EFR3A: variants seen among roughly 807,000 people sequenced by gnomAD.
EFR3A encodes protein EFR3 homolog A.
In EFR3A, 76 loss-of-function variants were observed where a neutral mutation model predicts 104.4. The ratio of observed to expected loss-of-function variants is 0.73; its 90% CI spans 0.60 to 0.88. The LOEUF (loss-of-function observed/expected upper bound fraction) is 0.88, where lower values mean the gene tolerates loss of function less well. Ranked by LOEUF, EFR3A falls within the 40% of genes least tolerant of loss-of-function variation. The pLI is 0.00. For synonymous variants in EFR3A, 330 were observed against 330.0 expected (o/e 1.00, Z 0.00); for missense variants, 985 against 1,012.5 (o/e 0.97, Z 0.37).
At chr8:131,971,425 A>G (rs1223266218) in intron 10 of EFR3A, among the ~76,000 whole-genome samples, 2 of 152,110 alleles carry the variant, frequency 1.3e-5, no homozygotes, top group African/African-American at 4.8e-5. Context: ...GCGGTGGCTC[A>G]CACCTGTAAT....
At chr8:131,986,789 CAAAAA>C (rs10569128) in intron 17 of EFR3A, among the ~76,000 whole-genome samples, 3 of 67,982 alleles carry the variant, frequency 4.4e-5, no homozygotes, top group Middle Eastern at 7.1e-3. Flanking sequence ...GACTCCATCT[CAAAAA>C]AAAAAAAAAA....
At chr8:131,919,127 C>T (rs10464871) in intron 1 of EFR3A, among the ~76,000 whole-genome samples, 33,011 of 151,602 alleles carry the variant, frequency 0.22, 4,078 homozygotes, top group African/African-American at 0.32. Flanking sequence ...TGCAGAAAGC[C>T]CCAAACCTAT....
At chr8:131,938,985 A>G (rs1309809417) in intron 1 of EFR3A, among the ~76,000 whole-genome samples, 2 of 152,142 alleles carry the variant, frequency 1.3e-5, no homozygotes, top group Non-Finnish European at 2.9e-5. Flanking sequence ...TATGGTTGTG[A>G]ACCATATGTA....
intron 1 of EFR3A, among the ~76,000 whole-genome samples, chr8:131,919,137 T>A (rs1816877263): frequency 6.6e-6 from 1 of 152,066 alleles, no homozygotes; most frequent in Non-Finnish European, 1.5e-5. Flanking sequence ...CCCAAACCTA[T>A]CTTTTTTCCC....
chr8:131,986,244 C>T lies in EFR3A; in HGVS notation c.1920C>T (p.Ile640=). Residue 640 remains isoleucine, a synonymous_variant, in exon 17 of 23, where the codon ATC becomes ATT. Transcript: ENST00000254624. The part of the protein sequence containing the change: ...MEAPYFLPEH[I]FRDKCMLPKS... ...CCCCTTATTTTCTACCAGAGCATAT[C>T]TTCAGAGATAAGTGCATGTATGTTA... 1 of 1,583,198 alleles carries T rather than the reference C, an allele frequency of 6.3e-7. No homozygotes were observed. The highest frequency in any genetic ancestry group is 8.7e-7 in the Non-Finnish European group (1 of 1,155,012).
chr8:131,949,536 G>A (rs1818596351), intron 4 of EFR3A, among the ~76,000 whole-genome samples: 1 of 152,112 alleles, frequency 6.6e-6, no homozygotes. Flanking sequence ...TGGTGCAGTG[G>A]TTCATGCCTA....
chr8:131,977,241 CA>C, intron 12 of EFR3A, 149 bp downstream of exon 12: 1 of 533,088 alleles, frequency 1.9e-6, no homozygotes, highest in East Asian at 3.3e-5. Flanking sequence ...AAAGATTATC[CA>C]ATTTTTTTAC....
intron 1 of EFR3A, among the ~76,000 whole-genome samples, chr8:131,908,573 C>T (rs1816366135): frequency 6.6e-6 from 1 of 152,070 alleles, no homozygotes; most frequent in Admixed American, 6.5e-5. Context: ...GAGGGAGGCC[C>T]TATTTGACCT....
intron 5 of EFR3A, among the ~76,000 whole-genome samples, chr8:131,951,480 A>G (rs1204497135): frequency 1.3e-5 from 2 of 152,146 alleles, no homozygotes; most frequent in Non-Finnish European, 2.9e-5. Flanking sequence ...GAGGCTGATA[A>G]TAAGTTTTTA....
intron 1 of EFR3A, among the ~76,000 whole-genome samples, chr8:131,904,762 C>A (rs1372696032): frequency 6.6e-6 from 1 of 152,368 alleles, no homozygotes; most frequent in African/African-American, 2.4e-5. Flanking sequence ...GCCAGACAGA[C>A]CCCCGACAGC....
In EFR3A at chr8:132,002,514, A is replaced by G. The variant is rs1821831843; in HGVS notation, c.2207-89A>G. The G allele has an allele frequency of 4.0e-6, 4 of 988,742 alleles. No homozygotes were observed. The East Asian group carries it at 1.1e-4, about 27-fold the overall frequency. The allele number at this position is 988,742 out of a possible 1,614,324, so 61.2% of individuals were successfully genotyped here. A position where few individuals can be genotyped will look rare whatever the true frequency, so the allele number is the denominator to read the frequency against. On this transcript the variant is annotated intron_variant, in intron 20 of 22. Coordinates refer to ENST00000254624, the MANE Select transcript of EFR3A (RefSeq NM_015137.6). ...CCCTGTAAATTGCCCTTAATTTTGG[A>G]TGATATATCATTAACTCTTAACGGT...
At chr8:131,987,533 T>C in intron 17 of EFR3A, 42 bp from the exon 18 acceptor site, 1 of 1,544,788 alleles carries the variant, frequency 6.5e-7, no homozygotes, top group Non-Finnish European at 8.7e-7. Context: ...TTTTGCTCAG[T>C]AATTTAATAC....
rs944676353 is a variant in EFR3A, at chr8:131,989,656, T to C, written c.2065+1954T>C. Among the ~76,000 whole-genome samples the C allele has an allele frequency of 7.9e-5, 12 of 152,328 alleles. No homozygotes were observed. The Middle Eastern group carries it at 0.01, about 130-fold the overall frequency. ...GATCCAGATTGATTTTTATCATTTC[T>C]TTCTCTAATTTCTACTGAGTGCCTA... On this transcript the variant is annotated intron_variant, in intron 18 of 22. Transcript: ENST00000254624.
chr8:131,940,542 C>A lies in EFR3A; in HGVS notation c.54C>A (p.Arg18=). ...CCSALRPRYK[R]LVDNIFPEDP... The stretch of plus-strand genomic sequence containing the variant: ...CCGCTTTGCGTCCTCGCTACAAACG[C>A]CTGGTGGACAACATATTCCCTGAAG... The change falls in exon 2 of 23, where the codon CGC becomes CGA. Residue 18 remains arginine, a synonymous_variant. Transcript: ENST00000254624. 1 of 1,608,884 alleles carries A rather than the reference C, an allele frequency of 6.2e-7. No homozygotes were observed. The highest frequency in any genetic ancestry group is 8.5e-7 in the Non-Finnish European group (1 of 1,177,774).
intron 5 of EFR3A, among the ~76,000 whole-genome samples, chr8:131,952,652 C>G (rs116103941): frequency 6.6e-6 from 1 of 152,102 alleles, no homozygotes; most frequent in Non-Finnish European, 1.5e-5. Flanking sequence ...GATAGCTGCA[C>G]GAGAATCTCT....
chr8:131,971,825 G>T (rs1820070445), intron 10 of EFR3A, among the ~76,000 whole-genome samples: 1 of 152,008 alleles, frequency 6.6e-6, no homozygotes, highest in Admixed American at 6.5e-5. Context: ...ATCACTTAAG[G>T]CATTATTATA....
intron 1 of EFR3A, among the ~76,000 whole-genome samples, chr8:131,936,902 T>C (rs1231610001): frequency 6.6e-6 from 1 of 152,014 alleles, no homozygotes; most frequent in Non-Finnish European, 1.5e-5. Flanking sequence ...TTATAGAGGC[T>C]TCACTATAAA....
At chr8:131,947,780 A>G (rs896740189) in intron 4 of EFR3A, among the ~76,000 whole-genome samples, 1 of 152,080 alleles carries the variant, frequency 6.6e-6, no homozygotes, top group Non-Finnish European at 1.5e-5. Context: ...TAACTATGCC[A>G]TTACTATCTG....
At chr8:132,006,943 G>C (rs1235127086) in intron 22 of EFR3A, among the ~76,000 whole-genome samples, 1 of 151,864 alleles carries the variant, frequency 6.6e-6, no homozygotes, top group Admixed American at 6.6e-5. Flanking sequence ...AAAAGCATTT[G>C]AAAAAGCTCA....
Sources: allele counts gnomAD v4.1 joint callset (sites outside exome capture counted in the v4.1 genomes callset), GRCh38; gene constraint gnomAD v4.1.1; transcripts MANE v1.5; gene names NCBI Gene and HGNC (gene_info 2026-07-23, HGNC 2026-07-21).